The following TK1 variants were observed in gnomAD, a reference collection of about 807,000 sequenced individuals.
The protein encoded by TK1 is thymidine kinase 1.
In TK1, 13 loss-of-function variants were observed where a neutral mutation model predicts 22.4. The ratio of observed to expected loss-of-function variants is 0.58; its 90% confidence interval spans 0.38 to 0.92. The LOEUF (loss-of-function observed/expected upper bound fraction) is 0.92, where lower values mean the gene tolerates loss of function less well. TK1 is among the 40% of genes least tolerant of loss of function. The pLI is 0.00. For missense variants in TK1, 251 were observed against 315.7 expected (o/e 0.80, Z 1.55); for synonymous variants, 134 against 125.4 (o/e 1.07, Z -0.46).
chr17:78,187,116 GC>G (rs1048994485), upstream of TK1: 2 of 1,157,456 alleles, frequency 1.7e-6, no homozygotes, highest in African/African-American at 1.5e-5. Flanking sequence ...CGGCCCCGCC[GC>G]CATGGGGCCA....
intron 4 of TK1, among the ~76,000 whole-genome samples, chr17:78,181,925 C>CTT (rs200839353): frequency 1.2e-4 from 17 of 147,298 alleles, no homozygotes; most frequent in East Asian, 5.9e-4. Flanking sequence ...TGGCTAATTT[C>CTT]TTTTTTTTTT....
In TK1 at chr17:78,180,000, G is replaced by C. The variant is rs2661682; in HGVS notation, c.303+2589C>G. Reference sequence around the variant, plus strand: ...GCGGGAGAATCACTTGAACCTGGGAGATGGAGGTTATAGTGAGCCGAGACT... The same window carrying C: ...GCGGGAGAATCACTTGAACCTGGGACATGGAGGTTATAGTGAGCCGAGACT... On this transcript the variant is annotated intron_variant, in intron 4 of 6. Transcript: ENST00000301634. Among the ~76,000 whole-genome samples, 1,180 of 152,346 alleles carry C rather than the reference G, an allele frequency of 7.7e-3. 19 individuals are homozygous for C. Among genetic ancestry groups the C allele is most frequent in the African/African-American group, 0.025 (1,041 of 41,584 alleles).
chr17:78,175,081 G>A lies in TK1; in HGVS notation c.482C>T (p.Ala161Val), dbSNP rs1189485463. The A allele has an allele frequency of 6.2e-7, 1 of 1,613,604 alleles. No individual in the cohort carries two copies. The highest frequency in any genetic ancestry group is 2.2e-5 in the East Asian group (1 of 44,844). ...CTCTGTGCCGAGCCTCTTGGTATAG[G>A]CGGCTTCCCGGAAGCACTCCATGCA... is the stretch of plus-strand genomic sequence containing the variant. ...AVCMECFREA[A>V]YTKRLGTEKE... The change falls in exon 6 of 7, where the codon GCC (alanine) becomes GTC (valine). Residue 161 changes from alanine (A) to valine (V), a missense_variant. By Grantham distance (64) the Ala-to-Val change is moderately conservative. Coordinates refer to ENST00000301634, the MANE Select transcript of TK1 (RefSeq NM_003258.5).
chr17:78,175,435 G>T, intron 5 of TK1, 94 bp downstream of exon 5: 1 of 1,302,244 alleles, frequency 7.7e-7, no homozygotes, highest in Non-Finnish European at 1.1e-6. Context: ...TGTGGTGGCT[G>T]AGCCCTGGTC....
At position 78,186,925 on chromosome 17, in the gene TK1, G is replaced by A. The variant is rs1045371536; in HGVS notation, c.66+4C>T. 6 of 1,568,212 alleles carry A rather than the reference G, an allele frequency of 3.8e-6. No homozygotes were observed. The South Asian group carries it at 7.0e-5, about 18-fold the overall frequency. ...CCAGCCACGCGCAGGGCTGGCCCCC[G>A]CACCTGGATCTGCCCCCGGGTCTTG... On this transcript the variant is annotated splice_donor_region_variant and intron_variant, in intron 1 of 6. Transcript: ENST00000301634.
At chr17:78,186,743 G>C in intron 2 of TK1, 44 bp downstream of exon 2, 1 of 1,556,686 alleles carries the variant, frequency 6.4e-7, no homozygotes, top group Non-Finnish European at 8.7e-7. Context: ...AGGGGTCCCC[G>C]GAGAAGAGGA....
At chr17:78,181,639 G>A (rs1408054253) in intron 4 of TK1, among the ~76,000 whole-genome samples, 3 of 151,880 alleles carry the variant, frequency 2.0e-5, no homozygotes, top group African/African-American at 7.3e-5. Context: ...AAGACTGGCA[G>A]CTTCCCATCT....
chr17:78,184,805 C>T (rs1371793294), intron 3 of TK1, among the ~76,000 whole-genome samples: 2 of 152,098 alleles, frequency 1.3e-5, no homozygotes, highest in African/African-American at 4.8e-5. Context: ...CCTCCAGTTG[C>T]AACAACTAGA....
At chr17:78,180,588 A>T (rs891918053) in intron 4 of TK1, among the ~76,000 whole-genome samples, 1 of 152,254 alleles carries the variant, frequency 6.6e-6, no homozygotes, top group African/African-American at 2.4e-5. Context: ...ATTTTCAGGA[A>T]CATAATGGAA....
In TK1 at chr17:78,174,655, C is replaced by T; in HGVS notation, c.*104G>A. On this transcript the variant is annotated 3_prime_UTR_variant, in exon 7 of 7. Coordinates refer to ENST00000301634, the MANE Select transcript of TK1 (RefSeq NM_003258.5). ...TCCCAGAAGGCCAAGGTGTGGTCACCCTCCACGCCTCCCGACTTCCTCCTG... is the reference window on the plus strand; with the variant it reads ...TCCCAGAAGGCCAAGGTGTGGTCACTCTCCACGCCTCCCGACTTCCTCCTG... 1.5e-6 allele frequency: 2 copies of T among 1,342,144 alleles called. No individual in the cohort carries two copies. The highest frequency in any genetic ancestry group is 2.7e-5 in the Admixed American group (1 of 37,292). The allele number at this position is 1,342,144 out of a possible 1,614,324, so 83.1% of individuals were successfully genotyped here. A position where few individuals can be genotyped will look rare whatever the true frequency, so the allele number is the denominator to read the frequency against.
At chr17:78,186,900 C>T (rs1171981763) in intron 1 of TK1, 29 bp downstream of exon 1, 1 of 1,565,536 alleles carries the variant, frequency 6.4e-7, no homozygotes, top group African/African-American at 1.4e-5. Context: ...CACCTCATCC[C>T]CAGCCACGCG....
chr17:78,184,211 ACT>A (rs1598971020), intron 3 of TK1, among the ~76,000 whole-genome samples: 1 of 151,804 alleles, frequency 6.6e-6, no homozygotes, highest in East Asian at 1.9e-4. Context: ...AGCACCCTCC[ACT>A]CCACCAGCAT....
At chr17:78,183,990 C>T (rs1598970754) in intron 3 of TK1, among the ~76,000 whole-genome samples, 2 of 152,208 alleles carry the variant, frequency 1.3e-5, no homozygotes, top group Non-Finnish European at 1.5e-5. Flanking sequence ...TATTTAATCC[C>T]GGATCTGACT....
chr17:78,181,499 T>C (rs1368680565), intron 4 of TK1, among the ~76,000 whole-genome samples: 2 of 148,252 alleles, frequency 1.3e-5, no homozygotes, highest in East Asian at 3.9e-4. Flanking sequence ...GATCACGCCA[T>C]TGCACTCCAG....
chr17:78,185,911 C>A (rs2075785015), intron 2 of TK1, among the ~76,000 whole-genome samples: 1 of 152,178 alleles, frequency 6.6e-6, no homozygotes, highest in Non-Finnish European at 1.5e-5. Flanking sequence ...AAGTCCAACT[C>A]TGAGCCACAT....
At chr17:78,176,001 C>T (rs1243360327) in intron 4 of TK1, among the ~76,000 whole-genome samples, 1 of 152,236 alleles carries the variant, frequency 6.6e-6, no homozygotes, top group African/African-American at 2.4e-5. Context: ...GAATTAACGT[C>T]TCTGAACCTG....
chr17:78,175,018 C>T (rs767759701), intron 6 of TK1, 32 bp downstream of exon 6: 3 of 1,611,086 alleles, frequency 1.9e-6, no homozygotes, highest in Non-Finnish European at 1.7e-6. Flanking sequence ...ACCCCCACCC[C>T]GCCGGCCTGC....
intron 3 of TK1, 126 bp downstream of exon 3, chr17:78,184,929 A>T: frequency 1.3e-6 from 1 of 753,140 alleles, no homozygotes; most frequent in Non-Finnish European, 2.2e-6. Flanking sequence ...AGCACCTTGG[A>T]AAGTGTGCTG....
intron 3 of TK1, 30 bp from the exon 4 acceptor site, chr17:78,182,712 G>A (rs773275221): frequency 1.0e-5 from 15 of 1,495,932 alleles, no homozygotes; most frequent in Non-Finnish European, 1.3e-5. Flanking sequence ...GCGTGAGCAG[G>A]GCCAGGGAGG....
Sources: allele counts gnomAD v4.1 joint callset (sites outside exome capture counted in the v4.1 genomes callset), GRCh38; gene constraint gnomAD v4.1.1; transcripts MANE v1.5; gene names NCBI Gene and HGNC (gene_info 2026-07-23, HGNC 2026-07-21).